Variants in DPP10 observed in about 807,000 individuals in gnomAD.
DPP10 encodes inactive dipeptidyl peptidase 10.
A neutral mutation model predicts 120.9 loss-of-function variants in DPP10; 33 were observed. That is an observed-to-expected ratio of 0.27 (90% CI 0.21 to 0.37). The LOEUF (loss-of-function observed/expected upper bound fraction) is 0.37, where lower values mean the gene tolerates loss of function less well. DPP10 is among the 10% of genes least tolerant of loss of function. The probability of loss-of-function intolerance (pLI) is 1.00; values close to 1 mark genes in which losing one functional copy is unlikely to be tolerated. For missense variants in DPP10, 816 were observed against 942.8 expected, an observed-to-expected ratio of 0.87 and a Z score of 1.76; for synonymous variants, 337 against 326.1, an observed-to-expected ratio of 1.03 and a Z score of -0.36.
chr2:114,649,397 G>A (rs1273562855), intron 1 of DPP10, among the ~76,000 whole-genome samples: 1 of 150,934 alleles, frequency 6.6e-6, no homozygotes, highest in African/African-American at 2.4e-5. Context: ...CACCCAGGCT[G>A]GAGTGCAGTG....
chr2:115,322,795 A>G (rs1409774968), intron 2 of DPP10, among the ~76,000 whole-genome samples: 1 of 152,172 alleles, frequency 6.6e-6, no homozygotes, highest in African/African-American at 2.4e-5. Flanking sequence ...AGTTATGTTT[A>G]TCGTATTTGT....
intron 1 of DPP10, among the ~76,000 whole-genome samples, chr2:114,849,563 C>T (rs1203306095): frequency 6.6e-6 from 1 of 152,080 alleles, no homozygotes; most frequent in Admixed American, 6.5e-5. Flanking sequence ...CTCTTGAACT[C>T]CTGACCAGCC....
At chr2:115,705,676 A>G (rs1455990595) in intron 7 of DPP10, among the ~76,000 whole-genome samples, 2 of 152,004 alleles carry the variant, frequency 1.3e-5, no homozygotes, top group Non-Finnish European at 2.9e-5. Flanking sequence ...AGTGTTTCCA[A>G]TATAAATAAA....
intron 1 of DPP10, among the ~76,000 whole-genome samples, chr2:114,473,031 A>G (rs1432391504): frequency 6.6e-6 from 1 of 152,220 alleles, no homozygotes; most frequent in Non-Finnish European, 1.5e-5. Context: ...GTTCTTGGGA[A>G]TAGCACACAG....
intron 1 of DPP10, among the ~76,000 whole-genome samples, chr2:114,560,926 C>T (rs947289175): frequency 6.6e-6 from 1 of 152,190 alleles, no homozygotes; most frequent in African/African-American, 2.4e-5. Context: ...CAGGGAAAGG[C>T]ACGATTCACC....
At chr2:115,028,517 T>C (rs1703626497) in intron 1 of DPP10, among the ~76,000 whole-genome samples, 1 of 152,112 alleles carries the variant, frequency 6.6e-6, no homozygotes, top group Non-Finnish European at 1.5e-5. Flanking sequence ...ACATGGTCTA[T>C]CCTGGAGAAT....
Position 115,009,310 on chromosome 2 carries a change from T to A in DPP10, c.61-299929T>A, listed in dbSNP as rs1702087895. Among the ~76,000 whole-genome samples the A allele has an allele frequency of 2.0e-5, 3 of 152,032 alleles. No individual in the cohort carries two copies. The South Asian group carries it at 6.2e-4, about 32-fold the overall frequency. On this transcript the variant is annotated intron_variant, in intron 1 of 25. Transcript: ENST00000410059. ...TGGATGAAATTGGAAACCATCATTCTCAGTAAACTATCCCAAGAACAAAAA... is the reference window on the plus strand; with the variant it reads ...TGGATGAAATTGGAAACCATCATTCACAGTAAACTATCCCAAGAACAAAAA...
intron 5 of DPP10, among the ~76,000 whole-genome samples, chr2:115,600,124 A>G (rs1218473931): frequency 6.6e-6 from 1 of 152,118 alleles, no homozygotes; most frequent in Non-Finnish European, 1.5e-5. Flanking sequence ...CTGCAGCAGC[A>G]GCTATCTTAA....
intron 1 of DPP10, among the ~76,000 whole-genome samples, chr2:115,194,471 G>A (rs2055114965): frequency 6.6e-6 from 1 of 152,114 alleles, no homozygotes; most frequent in Non-Finnish European, 1.5e-5. Flanking sequence ...AGTGGCCTTC[G>A]TGCTTTTGGG....
intron 1 of DPP10, among the ~76,000 whole-genome samples, chr2:115,272,963 A>C (rs1192152924): frequency 1.3e-5 from 2 of 152,250 alleles, no homozygotes; most frequent in East Asian, 1.9e-4. Flanking sequence ...GCTGCACTGT[A>C]ACATGCTATT....
chr2:115,284,770 G>A (rs2060297557), intron 1 of DPP10, among the ~76,000 whole-genome samples: 1 of 151,878 alleles, frequency 6.6e-6, no homozygotes, highest in Admixed American at 6.6e-5. Context: ...TAGACTGATG[G>A]TTAATCAATG....
chr2:115,438,053 T>A (rs551588432), intron 3 of DPP10, among the ~76,000 whole-genome samples: 1 of 152,036 alleles, frequency 6.6e-6, no homozygotes, highest in East Asian at 1.9e-4. Context: ...AAATGAGAGA[T>A]GGGCCTGTTA....
intron 1 of DPP10, among the ~76,000 whole-genome samples, chr2:115,158,529 G>A (rs1309838187): frequency 6.6e-6 from 1 of 152,180 alleles, no homozygotes; most frequent in African/African-American, 2.4e-5. Context: ...TCAGAAAGAA[G>A]TGATGGAGTT....
At chr2:115,452,393 A>G (rs954691333) in intron 3 of DPP10, among the ~76,000 whole-genome samples, 1 of 151,902 alleles carries the variant, frequency 6.6e-6, no homozygotes, top group Non-Finnish European at 1.5e-5. Flanking sequence ...CACACTCTCT[A>G]ATTCCTAAGG....
At chr2:114,707,398 G>A (rs551849124) in intron 1 of DPP10, among the ~76,000 whole-genome samples, 1 of 152,300 alleles carries the variant, frequency 6.6e-6, no homozygotes, top group African/African-American at 2.4e-5. Flanking sequence ...GCTAATATTT[G>A]TATTATGAAT....
At chr2:115,360,568 C>A (rs999982641) in intron 3 of DPP10, among the ~76,000 whole-genome samples, 3 of 151,920 alleles carry the variant, frequency 2.0e-5, no homozygotes, top group Non-Finnish European at 2.9e-5. Flanking sequence ...GTGTAGTGTT[C>A]CAGGTTGGAG....
chr2:115,453,797 A>G (rs1322639811), intron 3 of DPP10, among the ~76,000 whole-genome samples: 1 of 151,586 alleles, frequency 6.6e-6, no homozygotes, highest in African/African-American at 2.4e-5. Flanking sequence ...TAAGATGGAA[A>G]TATACCCAAA....
intron 1 of DPP10, among the ~76,000 whole-genome samples, chr2:114,577,226 C>T (rs752875035): frequency 6.6e-6 from 1 of 152,150 alleles, no homozygotes; most frequent in African/African-American, 2.4e-5. Context: ...AGCAACCTTG[C>T]GAGATAGGTT....
At chr2:115,092,415 GT>G (rs1450914973) in intron 1 of DPP10, among the ~76,000 whole-genome samples, 1 of 152,000 alleles carries the variant, frequency 6.6e-6, no homozygotes, top group East Asian at 1.9e-4. Flanking sequence ...ATAAAATAGT[GT>G]TTCTGCCTCT....
Sources: gnomAD v4.1 joint callset for allele counts (sites outside exome capture counted in the v4.1 genomes callset) on GRCh38, gnomAD v4.1.1 for gene constraint, MANE v1.5 for transcripts, NCBI Gene and HGNC (gene_info 2026-07-23, HGNC 2026-07-21) for gene names.